The following ATP8A2 variants were observed in gnomAD, a reference collection of about 807,000 sequenced individuals.
ATP8A2 encodes phospholipid-transporting ATPase IB.
In ATP8A2, 100 loss-of-function variants were observed where a neutral mutation model predicts 165.6. The observed-to-expected ratio is 0.60, with a 90% CI of 0.51 to 0.71. ATP8A2 has a LOEUF of 0.71. Among genes scored for constraint, ATP8A2 ranks in the 30% least tolerant of loss-of-function variants. The pLI is 0.00. For synonymous variants in ATP8A2, 543 were observed against 548.8 expected (o/e 0.99, Z 0.15); for missense variants, 1,227 against 1,479.5 (o/e 0.83, Z 2.80).
intron 33 of ATP8A2, among the ~76,000 whole-genome samples, chr13:25,897,484 CT>C (rs147788905): frequency 0.29 from 44,473 of 151,950 alleles, 7,639 homozygotes; most frequent in African/African-American, 0.47. Context: ...TTCATTTCAA[CT>C]TTTGGTGAAT....
intron 1 of ATP8A2, among the ~76,000 whole-genome samples, chr13:25,424,071 G>A (rs987720210): frequency 6.6e-6 from 1 of 152,168 alleles, no homozygotes; most frequent in African/African-American, 2.4e-5. Context: ...GTCTTAGAAA[G>A]GCAAGTTGTC....
rs1481836033 is a variant in ATP8A2 at position 25,541,939 on chromosome 13, C to T, written c.672C>T (p.Asp224=). Residue 224 remains aspartate (D), a synonymous_variant, in exon 9 of 37, where the codon GAC becomes GAT. Coordinates refer to ENST00000381655, the MANE Select transcript of ATP8A2 (RefSeq NM_016529.6). ...TTTAGGGTTTGAGTCACACTGCTGA[C>T]ATGCAAACACGTGAAGTTCTGATGA... ...KIRQGLSHTA[D]MQTREVLMKL... 1 of 1,614,100 alleles carries T rather than the reference C, an allele frequency of 6.2e-7. No homozygotes were observed. The highest frequency in any genetic ancestry group is 1.1e-5 in the South Asian group (1 of 91,084).
intron 26 of ATP8A2, among the ~76,000 whole-genome samples, chr13:25,771,467 C>T (rs1398917956): frequency 6.6e-6 from 1 of 152,134 alleles, no homozygotes; most frequent in African/African-American, 2.4e-5. Context: ...GAGTTCCAGG[C>T]AAATATTTGT....
chr13:25,857,570 CTTTT>C (rs71080207), intron 30 of ATP8A2, among the ~76,000 whole-genome samples: 2 of 91,572 alleles, frequency 2.2e-5, no homozygotes, highest in Non-Finnish European at 4.2e-5. Flanking sequence ...CTTTTTTTTC[CTTTT>C]TTTTTTTTTT....
chr13:25,631,291 T>A (rs963388325), intron 24 of ATP8A2, among the ~76,000 whole-genome samples: 1 of 152,136 alleles, frequency 6.6e-6, no homozygotes, highest in African/African-American at 2.4e-5. Flanking sequence ...AACCGAGGAA[T>A]TGAATTTTAA....
intron 35 of ATP8A2, among the ~76,000 whole-genome samples, chr13:25,988,388 T>C (rs1956311198): frequency 6.6e-6 from 1 of 152,214 alleles, no homozygotes; most frequent in South Asian, 2.1e-4. Context: ...GCCTCCAACC[T>C]ACAATACCAT....
intron 13 of ATP8A2, among the ~76,000 whole-genome samples, chr13:25,558,353 T>TATGG (rs1424034405): frequency 0.018 from 2,684 of 151,782 alleles, 75 homozygotes; most frequent in African/African-American, 0.062. Flanking sequence ...GGTACGAGTA[T>TATGG]TATATGTAGA....
At chr13:25,663,451 A>G (rs1278292895) in intron 24 of ATP8A2, among the ~76,000 whole-genome samples, 1 of 152,234 alleles carries the variant, frequency 6.6e-6, no homozygotes, top group Non-Finnish European at 1.5e-5. Flanking sequence ...ACTAGAGTAC[A>G]AATGTCTCAA....
intron 15 of ATP8A2, among the ~76,000 whole-genome samples, chr13:25,561,368 G>T (rs1421740952): frequency 6.6e-6 from 1 of 151,970 alleles, no homozygotes; most frequent in Non-Finnish European, 1.5e-5. Flanking sequence ...ATTTTCCATA[G>T]ATTTTTTTTG....
At chr13:25,744,382 A>G (rs1010840766) in intron 25 of ATP8A2, among the ~76,000 whole-genome samples, 3 of 151,678 alleles carry the variant, frequency 2.0e-5, no homozygotes, top group African/African-American at 7.3e-5. Context: ...CTGCCCACAA[A>G]TGCAAGTCTG....
At chr13:25,568,024 T>C (rs1347644393) in intron 16 of ATP8A2, among the ~76,000 whole-genome samples, 2 of 152,332 alleles carry the variant, frequency 1.3e-5, no homozygotes, top group East Asian at 3.9e-4. Context: ...ATTAAAACAT[T>C]TGGTCCAAGA....
At chr13:25,774,013 GCTCTTTTTGTCA>G (rs2044684670) in intron 26 of ATP8A2, among the ~76,000 whole-genome samples, 1 of 152,040 alleles carries the variant, frequency 6.6e-6, no homozygotes, top group Admixed American at 6.6e-5. Context: ...CCTGTCCCTT[GCTCTTTTTGTCA>G]CTGAAAAAAT....
At chr13:25,559,544 A>G (rs1286547142) in intron 14 of ATP8A2, among the ~76,000 whole-genome samples, 177 bp from the exon 15 acceptor site, 1 of 152,194 alleles carries the variant, frequency 6.6e-6, no homozygotes, top group Non-Finnish European at 1.5e-5. Context: ...AACAAAAACA[A>G]AAACAGAAAA....
In ATP8A2 at chr13:25,888,078, C is replaced by T. The variant is rs905377227; in HGVS notation, c.3183+25670C>T. Among the ~76,000 whole-genome samples, 8 of 134,058 alleles carry T rather than the reference C, an allele frequency of 6.0e-5. 1 individual carries two copies. Among genetic ancestry groups the T allele is most frequent in the African/African-American group, 1.1e-4 (4 of 36,958 alleles). 87.9% of individuals were successfully genotyped at this position (134,058 alleles called of 152,430 possible). A position where few individuals can be genotyped will look rare whatever the true frequency, so the allele number is the denominator to read the frequency against. Reference sequence around the variant, plus strand: ...AAGGAAAGAACCCAGACCCCCCCCCCGCCCCACCCCCAGAGAACACTGGCA... The same window carrying T: ...AAGGAAAGAACCCAGACCCCCCCCCTGCCCCACCCCCAGAGAACACTGGCA... On this transcript the variant is annotated intron_variant, in intron 33 of 36. Transcript: ENST00000381655.
At chr13:25,872,089 C>G (rs1952696290) in intron 33 of ATP8A2, among the ~76,000 whole-genome samples, 1 of 139,450 alleles carries the variant, frequency 7.2e-6, no homozygotes, top group Non-Finnish European at 1.5e-5. Flanking sequence ...TCAAATGGTG[C>G]TGCTTCTGCC....
At chr13:25,609,397 G>A (rs939305412) in intron 24 of ATP8A2, among the ~76,000 whole-genome samples, 1 of 151,458 alleles carries the variant, frequency 6.6e-6, no homozygotes, top group Non-Finnish European at 1.5e-5. Context: ...AATGTGAATA[G>A]ATTTGCAACT....
intron 25 of ATP8A2, among the ~76,000 whole-genome samples, chr13:25,764,443 A>G (rs983641381): frequency 3.3e-5 from 5 of 152,368 alleles, no homozygotes; most frequent in Admixed American, 2.6e-4. Flanking sequence ...ATCTTATGCT[A>G]TGGAAATTCA....
intron 35 of ATP8A2, among the ~76,000 whole-genome samples, chr13:26,004,227 A>C (rs1306892074): frequency 6.6e-6 from 1 of 151,834 alleles, no homozygotes; most frequent in Non-Finnish European, 1.5e-5. Flanking sequence ...ATAGTCTTTT[A>C]CCCCTTGATT....
chr13:25,443,785 A>G (rs538594467), intron 1 of ATP8A2, among the ~76,000 whole-genome samples: 39 of 152,266 alleles, frequency 2.6e-4, no homozygotes, highest in African/African-American at 8.4e-4. Context: ...ACGGAATTAT[A>G]TCTGTTTTGT....
Sources: allele counts gnomAD v4.1 joint callset (sites outside exome capture counted in the v4.1 genomes callset), GRCh38; gene constraint gnomAD v4.1.1; transcripts MANE v1.5; gene names NCBI Gene and HGNC (gene_info 2026-07-23, HGNC 2026-07-21).